The following LHFPL3 variants were observed in gnomAD, a reference collection of about 807,000 sequenced individuals.
The protein encoded by LHFPL3 is LHFPL tetraspan subfamily member 3 protein.
Under a neutral mutation model 19.3 loss-of-function variants are expected in LHFPL3, and 5 were observed. The ratio of observed to expected loss-of-function variants is 0.26; its 90% CI spans 0.14 to 0.54. LHFPL3 has a LOEUF of 0.54. Ranked by LOEUF, LHFPL3 falls within the 20% of genes least tolerant of loss-of-function variation. The pLI, the probability that LHFPL3 is intolerant of heterozygous loss-of-function variation, is 0.94. For missense variants in LHFPL3, 249 were observed against 307.4 expected (o/e 0.81, Z 1.42); for synonymous variants, 133 against 126.2 (o/e 1.05, Z -0.36).
intron 1 of LHFPL3, among the ~76,000 whole-genome samples, chr7:104,357,713 C>T (rs1790306678): frequency 6.6e-6 from 1 of 152,156 alleles, no homozygotes; most frequent in South Asian, 2.1e-4. Context: ...CTGGAACACT[C>T]AGGCATGGGT....
chr7:104,496,347 A>T (rs551657965), intron 1 of LHFPL3, among the ~76,000 whole-genome samples: 1 of 152,062 alleles, frequency 6.6e-6, no homozygotes, highest in East Asian at 1.9e-4. Flanking sequence ...TATGTGCCAC[A>T]TTTTCTTAAT....
intron 1 of LHFPL3, among the ~76,000 whole-genome samples, chr7:104,603,118 C>CTTTCTTTCTTTCT (rs1554413266): frequency 2.2e-4 from 28 of 126,788 alleles, no homozygotes; most frequent in Non-Finnish European, 4.4e-4. Context: ...TTCTTTCTTT[C>CTTTCTTTCTTTCT]TTTCTTTCTT....
At chr7:104,345,841 A>G (rs1166395531) in intron 1 of LHFPL3, among the ~76,000 whole-genome samples, 1 of 152,012 alleles carries the variant, frequency 6.6e-6, no homozygotes, top group Non-Finnish European at 1.5e-5. Context: ...TACTAGTATC[A>G]TTTTCTATGA....
At chr7:104,562,621 G>A (rs1790031087) in intron 1 of LHFPL3, among the ~76,000 whole-genome samples, 1 of 151,710 alleles carries the variant, frequency 6.6e-6, no homozygotes, top group Non-Finnish European at 1.5e-5. Context: ...TTTGCCTTTG[G>A]TTTGAATGTC....
At chr7:104,487,044 T>C (rs1793249738) in intron 1 of LHFPL3, among the ~76,000 whole-genome samples, 1 of 152,228 alleles carries the variant, frequency 6.6e-6, no homozygotes, top group Non-Finnish European at 1.5e-5. Context: ...CCTTACTGTC[T>C]TTCGTTTTTC....
chr7:104,854,453 A>G (rs1255673139), intron 2 of LHFPL3, among the ~76,000 whole-genome samples: 2 of 152,222 alleles, frequency 1.3e-5, no homozygotes, highest in Non-Finnish European at 2.9e-5. Context: ...CAGTTTCTCA[A>G]AATAATCAGC....
At chr7:104,638,518 C>G (rs191706878) in intron 1 of LHFPL3, among the ~76,000 whole-genome samples, 2 of 152,164 alleles carry the variant, frequency 1.3e-5, no homozygotes, top group East Asian at 1.9e-4. Flanking sequence ...ATGATATTGA[C>G]TGTGTGTTTG....
intron 1 of LHFPL3, among the ~76,000 whole-genome samples, chr7:104,413,817 G>A (rs931900253): frequency 9.2e-5 from 14 of 152,132 alleles, no homozygotes; most frequent in African/African-American, 3.1e-4. Flanking sequence ...AAAAATAACC[G>A]TACTCTATTC....
chr7:104,642,476 T>C (rs1466398393), intron 1 of LHFPL3, among the ~76,000 whole-genome samples: 2 of 152,168 alleles, frequency 1.3e-5, no homozygotes, highest in Non-Finnish European at 1.5e-5. Context: ...CTGGAATAAA[T>C]ATGGTAGAGA....
rs532455386 is a variant in LHFPL3 at position 104,422,860 on chromosome 7, G to A, written c.445+93636G>A. 2.0e-5 allele frequency among the ~76,000 whole-genome samples: 3 copies of A among 152,350 alleles called. No homozygotes were observed. In the South Asian group the frequency reaches 6.2e-4, roughly 32 times the overall value. On this transcript the variant is annotated intron_variant, in intron 1 of 2. Coordinates refer to ENST00000424859, the MANE Select transcript of LHFPL3 (RefSeq NM_199000.3). The stretch of plus-strand genomic sequence containing the variant: ...ATATTGGGAATTCAGAGATGAATAA[G>A]ATGGAATTAGCACCTGTCCTTGAGA...
intron 2 of LHFPL3, among the ~76,000 whole-genome samples, chr7:104,744,754 C>G (rs1333515827): frequency 6.6e-6 from 1 of 152,184 alleles, no homozygotes; most frequent in African/African-American, 2.4e-5. Flanking sequence ...CAGTTAACTA[C>G]TGACCCCATC....
intron 1 of LHFPL3, among the ~76,000 whole-genome samples, chr7:104,610,009 A>G (rs1387145740): frequency 6.6e-6 from 1 of 152,202 alleles, no homozygotes; most frequent in Admixed American, 6.5e-5. Flanking sequence ...ACAGACATCA[A>G]CGTGTTGCCT....
intron 1 of LHFPL3, among the ~76,000 whole-genome samples, chr7:104,430,370 GTATATATATATACATA>G (rs1401726863): frequency 2.4e-4 from 15 of 61,424 alleles, no homozygotes; most frequent in African/African-American, 9.2e-4. Context: ...ATTTCTGTGG[GTATATATATATACATA>G]TATATATATA....
At position 104,479,396 on chromosome 7, in the gene LHFPL3, C is replaced by CTT. The variant is rs35217752; in HGVS notation, c.445+150184_445+150185dup. On this transcript the variant is annotated intron_variant, in intron 1 of 2. Transcript: ENST00000424859. The stretch of plus-strand genomic sequence containing the variant: ...GACATACAAGGTGCTTCTTCCACTT[C>CTT]TTTTTTTTTTTTTGAGACAAAGTCT... Among the ~76,000 whole-genome samples, 69 of 147,122 alleles carry CTT rather than the reference C, an allele frequency of 4.7e-4. 1 individual carries two copies. Among genetic ancestry groups the CTT allele is most frequent in the Middle Eastern group, 3.4e-3 (1 of 290 alleles).
chr7:104,338,007 A>G (rs1262537406), intron 1 of LHFPL3, among the ~76,000 whole-genome samples: 1 of 152,188 alleles, frequency 6.6e-6, no homozygotes, highest in African/African-American at 2.4e-5. Context: ...TAGATAATCA[A>G]CATTAGAACT....
At chr7:104,404,660 C>T (rs1249415484) in intron 1 of LHFPL3, among the ~76,000 whole-genome samples, 1 of 152,108 alleles carries the variant, frequency 6.6e-6, no homozygotes, top group Non-Finnish European at 1.5e-5. Context: ...TGCTTTTCTG[C>T]CTCTGACTGT....
At chr7:104,888,031 A>G (rs1337011538) in intron 2 of LHFPL3, among the ~76,000 whole-genome samples, 1 of 152,170 alleles carries the variant, frequency 6.6e-6, no homozygotes, top group Admixed American at 6.5e-5. Context: ...GGCAGGTGGC[A>G]CTTCATCTGC....
chr7:104,437,403 C>T (rs995614160), intron 1 of LHFPL3, among the ~76,000 whole-genome samples: 2 of 152,158 alleles, frequency 1.3e-5, no homozygotes, highest in African/African-American at 2.4e-5. Flanking sequence ...CCCCACATCT[C>T]GATTCTCTGA....
At chr7:104,404,085 A>G (rs1470027916) in intron 1 of LHFPL3, among the ~76,000 whole-genome samples, 1 of 152,180 alleles carries the variant, frequency 6.6e-6, no homozygotes, top group Non-Finnish European at 1.5e-5. Flanking sequence ...ATGTCCCACA[A>G]TCCTAAAATA....
Sources: gnomAD v4.1 joint callset for allele counts (sites outside exome capture counted in the v4.1 genomes callset) on GRCh38, gnomAD v4.1.1 for gene constraint, MANE v1.5 for transcripts, NCBI Gene and HGNC (gene_info 2026-07-23, HGNC 2026-07-21) for gene names.